Variants in PCDH15 observed in about 807,000 individuals in gnomAD.
PCDH15 encodes protocadherin related 15, also known as protocadherin-15.
A neutral mutation model predicts 178.5 loss-of-function variants in PCDH15; 129 were observed. That is an observed-to-expected ratio of 0.72 (90% confidence interval 0.63 to 0.84). The LOEUF is 0.84. Among genes scored for constraint, PCDH15 ranks in the 40% least tolerant of loss-of-function variants. The probability of loss-of-function intolerance (pLI) is 0.00; values close to 1 mark genes in which losing one functional copy is unlikely to be tolerated. For missense variants in PCDH15, 2,230 were observed against 2,099.9 expected, an observed-to-expected ratio of 1.06 and a Z score of -1.21; for synonymous variants, 800 against 732.0, an observed-to-expected ratio of 1.09 and a Z score of -1.50.
At chr10:54,793,366 A>G (rs1951621652) in intron 1 of PCDH15, among the ~76,000 whole-genome samples, 1 of 151,888 alleles carries the variant, frequency 6.6e-6, no homozygotes, top group Admixed American at 6.6e-5. Flanking sequence ...GCAATGAGGC[A>G]GTATAAGTCT....
At chr10:53,971,681 A>G (rs950529698) in intron 21 of PCDH15, among the ~76,000 whole-genome samples, 4 of 152,176 alleles carry the variant, frequency 2.6e-5, no homozygotes, top group African/African-American at 9.7e-5. Context: ...GTGAATTCCC[A>G]TTCACAATTG....
chr10:54,920,204 C>T (rs569942774), intron 2 of PCDH15, among the ~76,000 whole-genome samples: 4 of 152,208 alleles, frequency 2.6e-5, no homozygotes, highest in Non-Finnish European at 4.4e-5. Flanking sequence ...GGAGCGGTGG[C>T]TCACGCCTGT....
chr10:54,219,378 C>A (rs1473478041), intron 9 of PCDH15, among the ~76,000 whole-genome samples: 2 of 150,134 alleles, frequency 1.3e-5, no homozygotes, highest in East Asian at 4.0e-4. Context: ...ATCACCAGGT[C>A]AGGAGATCGA....
intron 17 of PCDH15, among the ~76,000 whole-genome samples, chr10:54,077,746 C>T (rs1590271450): frequency 6.6e-6 from 1 of 152,238 alleles, no homozygotes; most frequent in East Asian, 1.9e-4. Flanking sequence ...TCTTTACATA[C>T]ATCTAACACA....
At chr10:54,918,141 G>A (rs932813663) in intron 2 of PCDH15, among the ~76,000 whole-genome samples, 3 of 152,008 alleles carry the variant, frequency 2.0e-5, no homozygotes, top group South Asian at 4.1e-4. Flanking sequence ...AGCTTGTTAA[G>A]GCCTTTATTT....
At chr10:54,298,229 G>A (rs2059919865) in intron 8 of PCDH15, among the ~76,000 whole-genome samples, 1 of 152,142 alleles carries the variant, frequency 6.6e-6, no homozygotes, top group South Asian at 2.1e-4. Context: ...AGGGTCTATT[G>A]ATCCTAAAAG....
intron 2 of PCDH15, among the ~76,000 whole-genome samples, chr10:55,441,677 C>G (rs1029871011): frequency 1.3e-5 from 2 of 152,060 alleles, no homozygotes; most frequent in Admixed American, 6.6e-5. Flanking sequence ...TTAAGAAGCA[C>G]AGAAAAATGA....
chr10:55,079,001 T>C (rs1050701289), intron 2 of PCDH15, among the ~76,000 whole-genome samples: 3 of 152,150 alleles, frequency 2.0e-5, no homozygotes, highest in Admixed American at 2.0e-4. Context: ...TTGGAAAATT[T>C]CTCATTGTTT....
rs6481081 is a variant in PCDH15, at chr10:54,294,360, T to A, written c.876+22911A>T. Reference sequence around the variant, plus strand: ...GGATAGCATTGGGAGAATTACCTAATGTAAATGACGAGTTAATGGGTGCAG... The same window carrying A: ...GGATAGCATTGGGAGAATTACCTAAAGTAAATGACGAGTTAATGGGTGCAG... On this transcript the variant is annotated intron_variant, in intron 8 of 37. Coordinates refer to ENST00000644397, the MANE Select transcript of PCDH15 (RefSeq NM_001384140.1). Among the ~76,000 whole-genome samples, 252 of 152,020 alleles carry A rather than the reference T, an allele frequency of 1.7e-3. 1 individual carries two copies. The highest frequency in any genetic ancestry group is 5.9e-3 in the African/African-American group (245 of 41,472).
At chr10:54,132,498 C>A (rs542939007) in intron 15 of PCDH15, among the ~76,000 whole-genome samples, 2 of 152,120 alleles carry the variant, frequency 1.3e-5, no homozygotes, top group Admixed American at 6.5e-5. Context: ...CACAAGACTG[C>A]ATCAAAAATA....
intron 2 of PCDH15, among the ~76,000 whole-genome samples, chr10:54,994,560 TAGA>T (rs1323600437): frequency 6.6e-6 from 1 of 152,160 alleles, no homozygotes; most frequent in Non-Finnish European, 1.5e-5. Flanking sequence ...TTTCAGATTA[TAGA>T]AGTTTACATT....
At chr10:55,300,831 C>T (rs1261033580) in intron 1 of PCDH15, among the ~76,000 whole-genome samples, 1 of 152,092 alleles carries the variant, frequency 6.6e-6, no homozygotes, top group African/African-American at 2.4e-5. Flanking sequence ...CTGCCCTTTA[C>T]CCAGTTTGGA....
chr10:55,102,937 C>T (rs563928878), intron 2 of PCDH15, among the ~76,000 whole-genome samples: 1 of 152,042 alleles, frequency 6.6e-6, no homozygotes, highest in East Asian at 1.9e-4. Context: ...TAAAGGTCTT[C>T]ATCTATCTTA....
chr10:54,693,052 G>T (rs116794516), intron 1 of PCDH15, among the ~76,000 whole-genome samples: 2,711 of 151,672 alleles, frequency 0.018, 83 homozygotes, highest in African/African-American at 0.06. Flanking sequence ...CCCGCAACAG[G>T]CCCTCGTGTG....
intron 2 of PCDH15, among the ~76,000 whole-genome samples, chr10:55,402,640 A>G (rs1838099361): frequency 6.6e-6 from 1 of 152,062 alleles, no homozygotes; most frequent in African/African-American, 2.4e-5. Flanking sequence ...ATGTTGTTAC[A>G]AATGACAGGA....
chr10:54,605,412 T>C (rs973140968), intron 2 of PCDH15, among the ~76,000 whole-genome samples: 13 of 152,060 alleles, frequency 8.5e-5, no homozygotes, highest in African/African-American at 3.1e-4. Context: ...ACTGTTTTGA[T>C]TGGCAGTTGT....
intron 16 of PCDH15, among the ~76,000 whole-genome samples, chr10:54,086,549 T>C (rs928422736): frequency 1.3e-5 from 2 of 152,188 alleles, no homozygotes; most frequent in African/African-American, 2.4e-5. Flanking sequence ...TCAAAGAAGG[T>C]GGCAGTTGAA....
intron 3 of PCDH15, among the ~76,000 whole-genome samples, chr10:54,491,516 TG>T: frequency 1.3e-5 from 2 of 152,160 alleles, no homozygotes; most frequent in East Asian, 3.9e-4. Flanking sequence ...ATAGAGTAGA[TG>T]ATTAGAAAGT....
intron 2 of PCDH15, among the ~76,000 whole-genome samples, chr10:55,480,714 G>T (rs1315915338): frequency 2.6e-5 from 4 of 151,810 alleles, no homozygotes; most frequent in Non-Finnish European, 2.9e-5. Context: ...TTTTTGATGT[G>T]CTGCTGGAGT....
Sources: gnomAD v4.1 joint callset for allele counts (sites outside exome capture counted in the v4.1 genomes callset) on GRCh38, gnomAD v4.1.1 for gene constraint, MANE v1.5 for transcripts, NCBI Gene and HGNC (gene_info 2026-07-23, HGNC 2026-07-21) for gene names.